Variants in RPL23A observed in about 807,000 individuals in gnomAD.
RPL23A encodes the protein large ribosomal subunit protein uL23.
RPL23A carries 2 observed loss-of-function variants against 17.6 expected under a neutral mutation model. The ratio of observed to expected loss-of-function variants is 0.11; its 90% CI spans 0.05 to 0.36. The LOEUF (loss-of-function observed/expected upper bound fraction) is 0.36. Among genes scored for constraint, RPL23A ranks in the 10% least tolerant of loss-of-function variants. The probability of loss-of-function intolerance (pLI) is 1.00; values close to 1 mark genes in which losing one functional copy is unlikely to be tolerated. For missense variants in RPL23A, 132 were observed against 194.4 expected (o/e 0.68, Z 1.91); for synonymous variants, 65 against 74.3 (o/e 0.87, Z 0.65).
chr17:28,723,203 T>A (rs1597797602), intron 3 of RPL23A: 1 of 530,144 alleles, frequency 1.9e-6, no homozygotes, highest in East Asian at 3.4e-5. Context: ...GCAGTGTGTG[T>A]GAGCCTTGAG....
At position 28,722,458 on chromosome 17, in the gene RPL23A, T is replaced by C. The variant is rs887159795; in HGVS notation, c.210-265T>C. ...TCCCAAAGTGCTGGGAATACAGCCA[T>C]GAGCCAGCACACCTGGCCCAGAGAT... On this transcript the variant is annotated intron_variant, in intron 2 of 4. Coordinates refer to ENST00000422514, the MANE Select transcript of RPL23A (RefSeq NM_000984.6). 1.9e-4 allele frequency: 111 copies of C among 574,898 alleles called. 1 individual carries two copies. The highest frequency in any genetic ancestry group is 7.7e-5 in the East Asian group (2 of 25,886). 35.6% of individuals were successfully genotyped at this position (574,898 alleles called of 1,614,324 possible).
rs1171765593 is a variant in RPL23A at position 28,721,062 on chromosome 17, A to AG, written c.209+173dup. On this transcript the variant is annotated intron_variant, in intron 2 of 4. Coordinates refer to ENST00000422514, the MANE Select transcript of RPL23A (RefSeq NM_000984.6). ...CTGCATTTACAAAACTGGCAGGATC[A>AG]GCCCAGAGGCCGGGCGCGGTGGCTC... is the stretch of plus-strand genomic sequence containing the variant. 1.1e-5 allele frequency: 7 copies of AG among 641,596 alleles called. No individual in the cohort carries two copies. The African/African-American group carries it at 1.3e-4, about 12-fold the overall frequency. 39.7% of individuals were successfully genotyped at this position (641,596 alleles called of 1,614,324 possible).
At chr17:28,723,256 C>T in intron 3 of RPL23A, 1 of 553,494 alleles carries the variant, frequency 1.8e-6, no homozygotes. Flanking sequence ...TTTGTGTGGA[C>T]CTGAGGCTTT....
intron 2 of RPL23A, among the ~76,000 whole-genome samples, chr17:28,722,245 C>CAA (rs57128027): frequency 1.8e-4 from 23 of 127,202 alleles, no homozygotes; most frequent in African/African-American, 2.2e-4. Flanking sequence ...GACTCTGTCT[C>CAA]AAAAAAAAAA....
chr17:28,721,172 G>A (rs1461881825), intron 2 of RPL23A: 5 of 306,350 alleles, frequency 1.6e-5, no homozygotes, highest in South Asian at 6.4e-5. Context: ...GAGTGACATG[G>A]AGAAACCCCG....
intron 2 of RPL23A, 22 bp from the exon 3 acceptor site, chr17:28,722,701 G>A (rs1290964247): frequency 9.3e-6 from 15 of 1,612,366 alleles, no homozygotes; most frequent in Non-Finnish European, 1.3e-5. Flanking sequence ...CAGGCCAGGT[G>A]ACCCCATTTT....
At position 28,722,795 on chromosome 17, in the gene RPL23A, C is replaced by T. The variant is rs764711885; in HGVS notation, c.282C>T (p.Asn94=). The change falls in exon 3 of 5, where the codon AAC becomes AAT. Residue 94 remains asparagine, a synonymous_variant. Coordinates refer to ENST00000422514, the MANE Select transcript of RPL23A (RefSeq NM_000984.6). The part of the protein sequence containing the change: ...ESAMKKIEDN[N]TLVFIVDVKA... ...CCATGAAGAAGATAGAAGACAACAA[C>T]ACACTTGTGTTCATTGTGGATGTTA... 18 of 1,612,456 alleles carry T rather than the reference C, an allele frequency of 1.1e-5. No homozygotes were observed. The Admixed American group carries it at 2.8e-4, about 25-fold the overall frequency.
rs749855502 is a variant in RPL23A, at chr17:28,720,716, C to G, written c.35C>G (p.Pro12Arg). ...APKAKKEAPA[P>R]PKAEAKAKAL... ...TTTCCTTTTCTCCCAGCTCCTGCCCCTCCTAAAGCTGAAGCCAAAGCGAAG... is the reference window on the plus strand; with the variant it reads ...TTTCCTTTTCTCCCAGCTCCTGCCCGTCCTAAAGCTGAAGCCAAAGCGAAG... The change falls in exon 2 of 5, where the codon CCT (proline) becomes CGT (arginine). Residue 12 changes from proline to arginine, a missense_variant. Physicochemically the swap from Pro to Arg is moderately radical, Grantham distance 103. Coordinates refer to ENST00000422514, the MANE Select transcript of RPL23A (RefSeq NM_000984.6). 28 of 1,613,976 alleles carry G rather than the reference C, an allele frequency of 1.7e-5. No homozygotes were observed. Among genetic ancestry groups the G allele is most frequent in the Admixed American group, 1.5e-4 (9 of 59,994 alleles).
At chr17:28,723,380 G>A in intron 3 of RPL23A, 191 bp from the exon 4 acceptor site, 1 of 763,348 alleles carries the variant, frequency 1.3e-6, no homozygotes, top group Non-Finnish European at 2.4e-6. Context: ...AATGTGGCCT[G>A]TGGTGTTTCC....
intron 1 of RPL23A, chr17:28,720,410 G>A (rs1415758998): frequency 6.3e-7 from 1 of 1,597,496 alleles, no homozygotes; most frequent in Non-Finnish European, 8.5e-7. Context: ...CCCTCTCTCC[G>A]CAGCGTGGTT....
At chr17:28,720,214 G>C in intron 1 of RPL23A, 184 bp downstream of exon 1, 1 of 1,536,170 alleles carries the variant, frequency 6.5e-7, no homozygotes, top group Non-Finnish European at 8.8e-7. Flanking sequence ...CTGAGTTCCG[G>C]TAGAGGGAGT....
At chr17:28,722,388 A>T (rs1321192171) in intron 2 of RPL23A, 2 of 404,396 alleles carry the variant, frequency 4.9e-6, no homozygotes, top group African/African-American at 4.1e-5. Flanking sequence ...CATGTTGGCC[A>T]GGATGGTCAC....
intron 3 of RPL23A, chr17:28,723,252 T>C: frequency 1.8e-6 from 1 of 551,682 alleles, no homozygotes; most frequent in Non-Finnish European, 3.3e-6. Context: ...GACCTTTGTG[T>C]GGACCTGAGG....
At chr17:28,722,699 G>T in intron 2 of RPL23A, 24 bp from the exon 3 acceptor site, 1 of 1,611,378 alleles carries the variant, frequency 6.2e-7, no homozygotes, top group Non-Finnish European at 8.5e-7. Context: ...CCCAGGCCAG[G>T]TGACCCCATT....
At chr17:28,720,582 C>A in intron 1 of RPL23A, 125 bp from the exon 2 acceptor site, 1 of 1,374,250 alleles carries the variant, frequency 7.3e-7, no homozygotes, top group Non-Finnish European at 1.0e-6. Flanking sequence ...AATCTCCTGA[C>A]ACTTGTGATG....
At position 28,724,333 on chromosome 17, in the gene RPL23A, A is replaced by G. The variant is rs2034171890; in HGVS notation, c.*452A>G. 19 of 850,660 alleles carry G rather than the reference A, an allele frequency of 2.2e-5. No individual in the cohort carries two copies. Among genetic ancestry groups the G allele is most frequent in the African/African-American group, 3.4e-5 (2 of 59,196 alleles). The allele number at this position is 850,660 out of a possible 1,614,324, so 52.7% of individuals were successfully genotyped here. On this transcript the variant is annotated 3_prime_UTR_variant, in exon 5 of 5. Transcript: ENST00000422514. ...GTCTGCTTCCCTCACCCCTTGCCCA[A>G]TAAAGGACAAGGACTTCAGAGGAGT...
chr17:28,720,937 T>C (rs966583930), intron 2 of RPL23A, 47 bp downstream of exon 2: 3 of 1,529,688 alleles, frequency 2.0e-6, no homozygotes, highest in Admixed American at 1.8e-5. Context: ...GTATTCTCCA[T>C]TGGTAATTTG....
At chr17:28,722,104 G>GGGCGT (rs2034125125) in intron 2 of RPL23A, among the ~76,000 whole-genome samples, 1 of 151,212 alleles carries the variant, frequency 6.6e-6, no homozygotes, top group Admixed American at 6.6e-5. Flanking sequence ...AAAATTAGCC[G>GGGCGT]GGCGTGGTGG....
At chr17:28,723,760 C>T (rs571107785) in intron 4 of RPL23A, 107 bp from the exon 5 acceptor site, 2 of 1,378,362 alleles carry the variant, frequency 1.5e-6, no homozygotes, top group Admixed American at 1.7e-5. Context: ...CACCCCTATC[C>T]TTGACAAACC....
Sources: allele counts gnomAD v4.1 joint callset (sites outside exome capture counted in the v4.1 genomes callset), GRCh38; gene constraint gnomAD v4.1.1; transcripts MANE v1.5; gene names NCBI Gene and HGNC (gene_info 2026-07-23, HGNC 2026-07-21).